SMARCC1: variants seen among roughly 807,000 people sequenced by gnomAD.
The protein encoded by SMARCC1 is SWI/SNF related BAF chromatin remodeling complex subunit C1.
A neutral mutation model predicts 147.4 loss-of-function variants in SMARCC1; 43 were observed. The ratio of observed to expected loss-of-function variants is 0.29; its 90% CI spans 0.23 to 0.38. The LOEUF is 0.38. SMARCC1 is among the 10% of genes least tolerant of loss of function. SMARCC1 has a pLI of 1.00. For synonymous variants in SMARCC1, 495 were observed against 484.4 expected, an observed-to-expected ratio of 1.02 and a Z score of -0.29; for missense variants, 1,119 against 1,381.1, an observed-to-expected ratio of 0.81 and a Z score of 3.01.
chr3:47,652,424 T>C (rs972073161), intron 21 of SMARCC1, among the ~76,000 whole-genome samples: 5 of 152,168 alleles, frequency 3.3e-5, no homozygotes, highest in Non-Finnish European at 7.3e-5. Context: ...TAAGACGGAA[T>C]AGTATTTTGG....
intron 6 of SMARCC1, among the ~76,000 whole-genome samples, chr3:47,725,699 G>C (rs961636848): frequency 2.6e-5 from 4 of 151,868 alleles, no homozygotes; most frequent in Non-Finnish European, 5.9e-5. Flanking sequence ...TGATCCGCCT[G>C]CCTCAGCATC....
intron 16 of SMARCC1, 76 bp downstream of exon 16, chr3:47,678,122 A>C: frequency 1.4e-6 from 1 of 735,498 alleles, no homozygotes; most frequent in East Asian, 2.9e-5. Context: ...CAACCAGTTT[A>C]ATCAAGCAAA....
intron 10 of SMARCC1, among the ~76,000 whole-genome samples, chr3:47,704,989 CAAA>C (rs34157187): frequency 1.5e-4 from 10 of 65,856 alleles, no homozygotes; most frequent in African/African-American, 2.8e-4. Context: ...GACCCTGTCT[CAAA>C]AAAAAAAAAA....
chr3:47,745,431 G>A (rs1351886685), intron 3 of SMARCC1, among the ~76,000 whole-genome samples: 2 of 152,104 alleles, frequency 1.3e-5, no homozygotes, highest in Non-Finnish European at 2.9e-5. Flanking sequence ...ACTTGGTTGT[G>A]GCCGGGTGCG....
intron 26 of SMARCC1, among the ~76,000 whole-genome samples, chr3:47,592,721 C>G (rs191256745): frequency 6.6e-6 from 1 of 152,246 alleles, no homozygotes; most frequent in Non-Finnish European, 1.5e-5. Context: ...GCCTCAGCCT[C>G]TCAAGTAGCT....
chr3:47,627,471 A>T (rs1344613858), intron 24 of SMARCC1, among the ~76,000 whole-genome samples: 2 of 152,150 alleles, frequency 1.3e-5, no homozygotes, highest in Non-Finnish European at 1.5e-5. Flanking sequence ...CAGAATTTAG[A>T]GGAAATATGA....
At chr3:47,625,523 C>T (rs1262540428) in intron 24 of SMARCC1, among the ~76,000 whole-genome samples, 2 of 152,082 alleles carry the variant, frequency 1.3e-5, no homozygotes, top group African/African-American at 4.8e-5. Flanking sequence ...GCATGAGCCA[C>T]CGTGCCCAGC....
At chr3:47,634,568 CA>C (rs1191346998) in intron 24 of SMARCC1, among the ~76,000 whole-genome samples, 1 of 152,132 alleles carries the variant, frequency 6.6e-6, no homozygotes, top group Non-Finnish European at 1.5e-5. Context: ...GAATGAAGAA[CA>C]GGGGAAAAGA....
At chr3:47,699,781 T>C (rs940225921) in intron 11 of SMARCC1, among the ~76,000 whole-genome samples, 1 of 152,138 alleles carries the variant, frequency 6.6e-6, no homozygotes, top group African/African-American at 2.4e-5. Context: ...ATAAACCATA[T>C]AGTCTTCTCC....
chr3:47,655,242 A>G (rs1325585504), intron 21 of SMARCC1, among the ~76,000 whole-genome samples: 1 of 152,200 alleles, frequency 6.6e-6, no homozygotes, highest in African/African-American at 2.4e-5. Flanking sequence ...AGTAAATGAA[A>G]AAGACAATAG....
rs550558290 is a variant in SMARCC1, at chr3:47,616,696, T to C, written c.2781+5511A>G. On this transcript the variant is annotated intron_variant, in intron 25 of 27. Coordinates refer to ENST00000254480, the MANE Select transcript of SMARCC1 (RefSeq NM_003074.4). The stretch of plus-strand genomic sequence containing the variant: ...CCTGACTTCAGGTGATCCTCCCGCC[T>C]TGGCCTCCCAAAGTGCTGGGATTAC... Among the ~76,000 whole-genome samples the C allele has an allele frequency of 5.3e-5, 8 of 152,306 alleles. No homozygotes were observed. In the South Asian group the frequency reaches 1.7e-3, roughly 32 times the overall value.
chr3:47,729,889 A>G (rs905434200), intron 5 of SMARCC1, among the ~76,000 whole-genome samples: 3 of 152,212 alleles, frequency 2.0e-5, no homozygotes, highest in Non-Finnish European at 4.4e-5. Context: ...GATGCATATA[A>G]AAGTTACATT....
chr3:47,669,909 T>C (rs1464592759), intron 19 of SMARCC1, among the ~76,000 whole-genome samples: 2 of 152,238 alleles, frequency 1.3e-5, no homozygotes, highest in African/African-American at 4.8e-5. Context: ...TTAGGAGGAC[T>C]GCGATGTCAA....
chr3:47,599,798 A>G lies in SMARCC1; in HGVS notation c.3044-8961T>C, dbSNP rs1250032656. On this transcript the variant is annotated intron_variant, in intron 26 of 27. Coordinates refer to ENST00000254480, the MANE Select transcript of SMARCC1 (RefSeq NM_003074.4). ...TTTCTGAACCCGCAATTCAGAATAT[A>G]TGTTCCAGCAGAGAAATCAACTATT... Among the ~76,000 whole-genome samples, 10 of 152,238 alleles carry G rather than the reference A, an allele frequency of 6.6e-5. No individual in the cohort carries two copies. In the East Asian group the frequency reaches 1.9e-3, roughly 29 times the overall value.
At position 47,586,204 on chromosome 3, in the gene SMARCC1, T is replaced by C. The variant is rs562198396; in HGVS notation, c.*2005A>G. The C allele has an allele frequency of 7.9e-5, 12 of 152,366 alleles. No homozygotes were observed. The highest frequency in any genetic ancestry group is 2.4e-4 in the African/African-American group (10 of 41,594). 9.4% of individuals were successfully genotyped at this position (152,366 alleles called of 1,614,324 possible). On this transcript the variant is annotated 3_prime_UTR_variant, in exon 28 of 28. Coordinates refer to ENST00000254480, the MANE Select transcript of SMARCC1 (RefSeq NM_003074.4). The stretch of plus-strand genomic sequence containing the variant: ...TAAAAATATTTCCACCTGGATCTTT[T>C]AAATTTGAAAGTGATCACATTAAAG...
intron 7 of SMARCC1, 125 bp from the exon 8 acceptor site, chr3:47,714,615 A>C (rs2034133531): frequency 1.7e-6 from 1 of 595,638 alleles, no homozygotes; most frequent in Non-Finnish European, 3.0e-6. Context: ...CAACATGGTG[A>C]AACTGCGTCT....
At chr3:47,605,536 C>A (rs563589644) in intron 26 of SMARCC1, among the ~76,000 whole-genome samples, 1 of 152,086 alleles carries the variant, frequency 6.6e-6, no homozygotes, top group South Asian at 2.1e-4. Context: ...CTTTGGGAGG[C>A]GGAGGCGGGA....
chr3:47,770,686 A>T (rs890547491), intron 2 of SMARCC1, among the ~76,000 whole-genome samples: 11 of 152,194 alleles, frequency 7.2e-5, no homozygotes, highest in South Asian at 2.1e-4. Context: ...AATTAAAATT[A>T]AAAAAAGGTA....
At chr3:47,638,893 TATC>T (rs2033010590) in intron 21 of SMARCC1, 113 bp from the exon 22 acceptor site, 1 of 756,516 alleles carries the variant, frequency 1.3e-6, no homozygotes, top group Non-Finnish European at 2.3e-6. Flanking sequence ...ACATAACGAA[TATC>T]ATAGCCATAC....
Sources: gnomAD v4.1 joint callset for allele counts (sites outside exome capture counted in the v4.1 genomes callset) on GRCh38, gnomAD v4.1.1 for gene constraint, MANE v1.5 for transcripts, NCBI Gene and HGNC (gene_info 2026-07-23, HGNC 2026-07-21) for gene names.